The following GNG4 variants were observed in gnomAD, a reference collection of about 807,000 sequenced individuals.
The protein encoded by GNG4 is G protein subunit gamma 4.
Under a neutral mutation model 5.8 loss-of-function variants are expected in GNG4, and 4 were observed. The ratio of observed to expected loss-of-function variants is 0.69; its 90% confidence interval spans 0.34 to 1.57. The LOEUF (loss-of-function observed/expected upper bound fraction) is 1.57. Among genes scored for constraint, GNG4 ranks in the 40% most tolerant of loss-of-function variants. GNG4 has a pLI of 0.06. For missense variants in GNG4, 96 were observed against 95.1 expected (o/e 1.01, Z -0.04); for synonymous variants, 29 against 32.9 (o/e 0.88, Z 0.41).
At chr1:235,650,526 A>G (rs957300718), upstream of GNG4, 4 of 152,376 alleles carry the variant, frequency 2.6e-5, no homozygotes, top group Admixed American at 2.6e-4. Flanking sequence ...CAAGGCGGGG[A>G]ACGGCGGAGA....
intron 2 of GNG4, among the ~76,000 whole-genome samples, chr1:235,593,918 C>G (rs2774323): frequency 0.98 from 148,580 of 152,250 alleles, 72,528 homozygotes; most frequent in East Asian, 1. Flanking sequence ...GCACAGCGTG[C>G]ATGGGGACCC....
intron 3 of GNG4, among the ~76,000 whole-genome samples, chr1:235,574,438 C>G (rs1334674506): frequency 6.6e-6 from 1 of 152,124 alleles, no homozygotes; most frequent in African/African-American, 2.4e-5. Context: ...ATTTTCAAAA[C>G]AAGCATTAAA....
chr1:235,558,119 G>A (rs2102913985), intron 3 of GNG4, among the ~76,000 whole-genome samples: 1 of 152,320 alleles, frequency 6.6e-6, no homozygotes, highest in South Asian at 2.1e-4. Context: ...CAACAGGAAT[G>A]CACACACAAT....
In GNG4 at chr1:235,552,161, G is replaced by A. The variant is rs2102907068; in HGVS notation, c.176C>T (p.Pro59Leu). 3.1e-6 allele frequency: 5 copies of A among 1,613,936 alleles called. No individual in the cohort carries two copies. Among genetic ancestry groups the A allele is most frequent in the Non-Finnish European group, 3.4e-6 (4 of 1,179,776 alleles). ...CTCGCGAAAGGGGTTTTCTGATGCA[G>A]GCACTGGAATGATGAGAGGATCTTC... The part of the protein sequence containing the change: ...VREDPLIIPV[P>L]ASENPFREKK... The change falls in exon 4 of 4, where the codon CCT becomes CTT. Residue 59 changes from proline (P) to leucine (L), a missense_variant. Transcript: ENST00000391854.
chr1:235,630,652 TG>T (rs1171048667), intron 1 of GNG4, among the ~76,000 whole-genome samples: 1 of 152,130 alleles, frequency 6.6e-6, no homozygotes, highest in African/African-American at 2.4e-5. Flanking sequence ...AAAGTCACCG[TG>T]GGAGTGTGGA....
intron 1 of GNG4, among the ~76,000 whole-genome samples, chr1:235,604,605 C>T (rs766946169): frequency 6.6e-6 from 1 of 152,236 alleles, no homozygotes; most frequent in Non-Finnish European, 1.5e-5. Flanking sequence ...CCCATCTTCA[C>T]ATAACCCACT....
intron 2 of GNG4, among the ~76,000 whole-genome samples, chr1:235,593,437 C>T (rs881070): frequency 0.3 from 46,288 of 152,156 alleles, 8,388 homozygotes; most frequent in African/African-American, 0.5. Flanking sequence ...TCCCCAACTA[C>T]GACTTCTGTC....
intron 3 of GNG4, among the ~76,000 whole-genome samples, chr1:235,581,422 G>A (rs1486241278): frequency 5.3e-5 from 8 of 151,870 alleles, no homozygotes; most frequent in African/African-American, 7.3e-5. Context: ...CCAGCTACTC[G>A]GGAGGCTGAG....
chr1:235,554,890 C>CCCT (rs1003583500), intron 3 of GNG4, among the ~76,000 whole-genome samples: 12 of 151,818 alleles, frequency 7.9e-5, no homozygotes, highest in Admixed American at 2.0e-4. Context: ...GACTATCATG[C>CCCT]CCTCTCCAGT....
chr1:235,626,076 C>A (rs1014833789), intron 1 of GNG4, among the ~76,000 whole-genome samples: 10 of 152,188 alleles, frequency 6.6e-5, no homozygotes, highest in Non-Finnish European at 1.3e-4. Context: ...TCTGCTTCTG[C>A]AGATCCTGGC....
chr1:235,578,713 TAA>T (rs1179741911), intron 3 of GNG4, among the ~76,000 whole-genome samples: 1 of 152,106 alleles, frequency 6.6e-6, no homozygotes, highest in African/African-American at 2.4e-5. Context: ...ATGTGGAGTG[TAA>T]AAAAGTCAAA....
intron 1 of GNG4, among the ~76,000 whole-genome samples, chr1:235,647,336 A>G (rs568498883): frequency 6.6e-6 from 1 of 152,116 alleles, no homozygotes; most frequent in South Asian, 2.1e-4. Flanking sequence ...TTTTAAAGTT[A>G]CTACTTCAAA....
chr1:235,599,592 ATG>A (rs1688208803), intron 1 of GNG4, among the ~76,000 whole-genome samples: 1 of 152,180 alleles, frequency 6.6e-6, no homozygotes, highest in African/African-American at 2.4e-5. Context: ...CTGGGGTTAC[ATG>A]TGTGAGGCAT....
At chr1:235,563,008 T>G (rs1687106011) in intron 3 of GNG4, among the ~76,000 whole-genome samples, 1 of 152,234 alleles carries the variant, frequency 6.6e-6, no homozygotes, top group African/African-American at 2.4e-5. Flanking sequence ...ACTTAACACT[T>G]ATTATTAAGA....
chr1:235,597,536 G>C (rs1428803777), intron 1 of GNG4, among the ~76,000 whole-genome samples: 1 of 150,316 alleles, frequency 6.7e-6, no homozygotes, highest in Non-Finnish European at 1.5e-5. Flanking sequence ...AGCTCTGACA[G>C]AGATCCAGGA....
At chr1:235,569,949 A>G (rs1687293958) in intron 3 of GNG4, among the ~76,000 whole-genome samples, 1 of 151,986 alleles carries the variant, frequency 6.6e-6, no homozygotes, top group African/African-American at 2.4e-5. Flanking sequence ...TTGTTGATGG[A>G]GAGATCACTC....
At chr1:235,637,053 G>A (rs980278707) in intron 1 of GNG4, among the ~76,000 whole-genome samples, 9 of 87,918 alleles carry the variant, frequency 1.0e-4, no homozygotes, top group South Asian at 4.8e-4. Context: ...GCCAGACTCC[G>A]TCTCAAAAAA....
At chr1:235,650,125 G>C (rs1302460601), upstream of GNG4, 1 of 149,328 alleles carries the variant, frequency 6.7e-6, no homozygotes, top group Non-Finnish European at 1.5e-5. Context: ...GCCCGGGCCC[G>C]CGCCCCCCGC....
intron 3 of GNG4, among the ~76,000 whole-genome samples, chr1:235,580,173 A>G (rs1687593236): frequency 6.6e-6 from 1 of 152,200 alleles, no homozygotes. Context: ...AAAAAGATAA[A>G]TACTGTATGA....
Sources: gnomAD v4.1 joint callset for allele counts (sites outside exome capture counted in the v4.1 genomes callset) on GRCh38, gnomAD v4.1.1 for gene constraint, MANE v1.5 for transcripts, NCBI Gene and HGNC (gene_info 2026-07-23, HGNC 2026-07-21) for gene names.